Variants in PTPRG observed in about 807,000 individuals in gnomAD.
PTPRG encodes receptor-type tyrosine-protein phosphatase gamma.
Under a neutral mutation model 165.3 loss-of-function variants are expected in PTPRG, and 102 were observed. The observed-to-expected ratio is 0.62, with a 90% CI of 0.53 to 0.73. The LOEUF is 0.73. PTPRG is among the 30% of genes least tolerant of loss of function. The pLI is 0.00. For synonymous variants in PTPRG, 675 were observed against 669.5 expected (o/e 1.01, Z -0.13); for missense variants, 1,866 against 1,861.4 (o/e 1.00, Z -0.05).
At chr3:61,811,661 C>T (rs1195588223) in intron 2 of PTPRG, among the ~76,000 whole-genome samples, 1 of 152,190 alleles carries the variant, frequency 6.6e-6, no homozygotes, top group African/African-American at 2.4e-5. Flanking sequence ...AACACAACTT[C>T]AGCTTTCATA....
intron 2 of PTPRG, among the ~76,000 whole-genome samples, chr3:61,975,565 T>C (rs1026666332): frequency 9.2e-5 from 14 of 152,356 alleles, no homozygotes; most frequent in Middle Eastern, 3.4e-3. Flanking sequence ...TCGTCATCCA[T>C]GACCATTGTC....
At chr3:61,733,016 A>G (rs1286095860) in intron 1 of PTPRG, among the ~76,000 whole-genome samples, 2 of 152,180 alleles carry the variant, frequency 1.3e-5, no homozygotes, top group South Asian at 4.1e-4. Flanking sequence ...TAGTATTTTT[A>G]GTGCCACTAG....
At chr3:62,184,365 A>G (rs1001458141) in intron 8 of PTPRG, among the ~76,000 whole-genome samples, 1 of 152,158 alleles carries the variant, frequency 6.6e-6, no homozygotes, top group Non-Finnish European at 1.5e-5. Context: ...GCAACACCCC[A>G]AGCACCAAGA....
chr3:61,703,375 A>G (rs1051743179), intron 1 of PTPRG, among the ~76,000 whole-genome samples: 4 of 152,234 alleles, frequency 2.6e-5, no homozygotes, highest in Non-Finnish European at 1.5e-5. Flanking sequence ...AGTAATGTCA[A>G]ATTTCATAAG....
At chr3:61,623,244 A>C (rs1436403040) in intron 1 of PTPRG, among the ~76,000 whole-genome samples, 1 of 152,166 alleles carries the variant, frequency 6.6e-6, no homozygotes, top group Non-Finnish European at 1.5e-5. Context: ...TGGTGGTGGA[A>C]TACATTGGCC....
At chr3:61,870,475 G>GTTT (rs2037534979) in intron 2 of PTPRG, among the ~76,000 whole-genome samples, 2 of 44,252 alleles carry the variant, frequency 4.5e-5, no homozygotes, top group Admixed American at 2.6e-4. Context: ...ACCACACCTA[G>GTTT]CTTTTTTTTT....
intron 1 of PTPRG, among the ~76,000 whole-genome samples, chr3:61,740,208 C>T (rs1314741336): frequency 1.3e-5 from 2 of 152,130 alleles, no homozygotes; most frequent in Non-Finnish European, 2.9e-5. Flanking sequence ...CTTCATTTTC[C>T]TGGTAATATT....
chr3:61,568,905 C>T (rs1385559812), intron 1 of PTPRG, among the ~76,000 whole-genome samples: 1 of 110,088 alleles, frequency 9.1e-6, no homozygotes, highest in African/African-American at 3.4e-5. Flanking sequence ...AAGACTCCGT[C>T]TCAAAAAAAA....
At chr3:62,078,628 T>C (rs970050843) in intron 5 of PTPRG, among the ~76,000 whole-genome samples, 10 of 152,302 alleles carry the variant, frequency 6.6e-5, no homozygotes, top group Admixed American at 2.0e-4. Flanking sequence ...TACTTGCAAG[T>C]AAGTTAATAA....
chr3:61,985,791 G>T (rs1431709728), intron 2 of PTPRG, among the ~76,000 whole-genome samples: 11 of 152,178 alleles, frequency 7.2e-5, no homozygotes, highest in African/African-American at 2.7e-4. Flanking sequence ...AAATGATGAT[G>T]CTTCGCAGAA....
intron 2 of PTPRG, among the ~76,000 whole-genome samples, chr3:61,955,215 C>T (rs568387685): frequency 5.9e-5 from 9 of 152,264 alleles, no homozygotes; most frequent in Non-Finnish European, 8.8e-5. Flanking sequence ...CCTTCCTGTA[C>T]GAACCCAAGT....
chr3:61,871,714 C>A (rs1158424852), intron 2 of PTPRG, among the ~76,000 whole-genome samples: 2 of 152,176 alleles, frequency 1.3e-5, no homozygotes, highest in Non-Finnish European at 2.9e-5. Flanking sequence ...GGTTCCACTT[C>A]CCTTTGATTT....
At position 62,296,756 on chromosome 3, in the gene PTPRG, G is replaced by C. The variant is rs1469523698; in HGVS notation, c.*3449G>C. ...TTTACTTATCTCTAGAAAGAAGAAG[G>C]CATGCTACAAATAGGAAGGAATTGT... On this transcript the variant is annotated 3_prime_UTR_variant, in exon 30 of 30. Transcript: ENST00000474889. 1.3e-5 allele frequency: 2 copies of C among 151,694 alleles called. No individual in the cohort carries two copies. Among genetic ancestry groups the C allele is most frequent in the Non-Finnish European group, 2.9e-5 (2 of 67,884 alleles). 9.4% of individuals were successfully genotyped at this position (151,694 alleles called of 1,614,324 possible).
At chr3:62,022,439 T>C (rs1485480225) in intron 4 of PTPRG, among the ~76,000 whole-genome samples, 2 of 152,190 alleles carry the variant, frequency 1.3e-5, no homozygotes, top group African/African-American at 4.8e-5. Flanking sequence ...GACATAATGC[T>C]TGTCACCTTC....
Position 62,214,109 on chromosome 3 carries a change from A to G in PTPRG, c.2156-4742A>G, listed in dbSNP as rs542955557. ...CTGAGATTCTAGCTCTTTACCAGCA[A>G]TCTCATCATAGGCAGCCCTTTGTGC... On this transcript the variant is annotated intron_variant, in intron 12 of 29. Coordinates refer to ENST00000474889, the MANE Select transcript of PTPRG (RefSeq NM_002841.4). This position sits in a 1 kb window ranked among gnomAD's most constrained non-coding sequence, Gnocchi z 5.2. 1.3e-5 allele frequency among the ~76,000 whole-genome samples: 2 copies of G among 152,302 alleles called. No individual in the cohort carries two copies. Among genetic ancestry groups the G allele is most frequent in the Non-Finnish European group, 2.9e-5 (2 of 68,024 alleles).
At chr3:61,750,953 T>G (rs2033403459) in intron 2 of PTPRG, 1 of 152,228 alleles carries the variant, frequency 6.6e-6, no homozygotes, top group African/African-American at 2.4e-5. Context: ...GAGAGTCATT[T>G]GAGGAATTGC....
At chr3:61,941,738 C>G (rs1443481145) in intron 2 of PTPRG, among the ~76,000 whole-genome samples, 2 of 152,058 alleles carry the variant, frequency 1.3e-5, no homozygotes, top group Admixed American at 6.5e-5. Context: ...TTTTTTTGGT[C>G]TTTAAAAACA....
chr3:61,849,929 T>A (rs2036915057), intron 2 of PTPRG, among the ~76,000 whole-genome samples: 1 of 152,174 alleles, frequency 6.6e-6, no homozygotes, highest in South Asian at 2.1e-4. Context: ...ACTTTATTTT[T>A]ATGATTGATT....
chr3:61,827,230 C>T (rs1372008093), intron 2 of PTPRG, among the ~76,000 whole-genome samples: 1 of 152,248 alleles, frequency 6.6e-6, no homozygotes, highest in Non-Finnish European at 1.5e-5. Flanking sequence ...AGCAAGAAAA[C>T]ATCTTGCTGT....
Sources: gnomAD v4.1 joint callset for allele counts (sites outside exome capture counted in the v4.1 genomes callset) on GRCh38, gnomAD v4.1.1 for gene constraint, Gnocchi (gnomAD v3.1) non-coding constraint, MANE v1.5 for transcripts, NCBI Gene and HGNC (gene_info 2026-07-23, HGNC 2026-07-21) for gene names.